PARD3B: variants seen among roughly 807,000 people sequenced by gnomAD.
The protein encoded by PARD3B is par-3 family cell polarity regulator beta.
PARD3B carries 103 observed loss-of-function variants against 130.2 expected under a neutral mutation model. The ratio of observed to expected loss-of-function variants is 0.79; its 90% CI spans 0.67 to 0.93. The LOEUF is 0.93. Ranked by LOEUF, PARD3B falls within the 40% of genes least tolerant of loss-of-function variation. The pLI is 0.00. For missense variants in PARD3B, 1,609 were observed against 1,499.2 expected, an observed-to-expected ratio of 1.07 and a Z score of -1.21; for synonymous variants, 583 against 553.2, an observed-to-expected ratio of 1.05 and a Z score of -0.76.
chr2:205,119,257 C>A (rs2030338731), intron 7 of PARD3B, among the ~76,000 whole-genome samples: 1 of 152,158 alleles, frequency 6.6e-6, no homozygotes, highest in African/African-American at 2.4e-5. Flanking sequence ...TGCTAAACTA[C>A]AGAATATCAC....
chr2:205,001,661 C>T (rs1694839102), intron 3 of PARD3B, among the ~76,000 whole-genome samples: 1 of 152,206 alleles, frequency 6.6e-6, no homozygotes, highest in Non-Finnish European at 1.5e-5. Context: ...TTTTGCTGTT[C>T]ACTCATTGAT....
Position 204,591,540 on chromosome 2 carries a change from G to C in PARD3B, c.120+45421G>C, listed in dbSNP as rs74892506. On this transcript the variant is annotated intron_variant, in intron 1 of 22. Coordinates refer to ENST00000406610, the MANE Select transcript of PARD3B (RefSeq NM_001302769.2). ...ACTGAAATGAAACCTTTTATGCATT[G>C]TGTGTTAAAACAGATTAACTGTTTG... 2.8e-4 allele frequency among the ~76,000 whole-genome samples: 43 copies of C among 152,240 alleles called. 1 individual carries two copies. In the East Asian group the frequency reaches 7.4e-3, roughly 26 times the overall value.
intron 19 of PARD3B, among the ~76,000 whole-genome samples, chr2:205,427,955 T>G (rs962044774): frequency 2.0e-5 from 3 of 152,188 alleles, no homozygotes; most frequent in African/African-American, 7.2e-5. Flanking sequence ...ATCTGAATGT[T>G]TTTTTCGCCA....
At chr2:204,698,353 C>T (rs892566003) in intron 2 of PARD3B, among the ~76,000 whole-genome samples, 2 of 152,020 alleles carry the variant, frequency 1.3e-5, no homozygotes, top group African/African-American at 4.8e-5. Flanking sequence ...TTATTTAGCT[C>T]CTTTCTTTCA....
intron 15 of PARD3B, among the ~76,000 whole-genome samples, chr2:205,213,412 T>A (rs2037748772): frequency 6.6e-6 from 1 of 152,244 alleles, no homozygotes; most frequent in Middle Eastern, 3.4e-3. Flanking sequence ...TGTATACTTC[T>A]TGGGCACCTC....
chr2:205,558,340 C>T lies in PARD3B; in HGVS notation c.3260+4937C>T, dbSNP rs913445058. 1.3e-5 allele frequency among the ~76,000 whole-genome samples: 2 copies of T among 152,078 alleles called. No homozygotes were observed. Among genetic ancestry groups the T allele is most frequent in the Non-Finnish European group, 2.9e-5 (2 of 68,012 alleles). ...CATGGCATGACAGCAGCACCCTATTCGCAGGTGGGAGAGATCCAGAGATAC... is the reference window on the plus strand; with the variant it reads ...CATGGCATGACAGCAGCACCCTATTTGCAGGTGGGAGAGATCCAGAGATAC... On this transcript the variant is annotated intron_variant, in intron 22 of 22. Coordinates refer to ENST00000406610, the MANE Select transcript of PARD3B (RefSeq NM_001302769.2). The surrounding 1 kb of genome is among the most constrained non-coding windows in gnomAD (Gnocchi z 4.8).
chr2:204,880,893 T>C (rs952396831), intron 2 of PARD3B, among the ~76,000 whole-genome samples: 1 of 152,182 alleles, frequency 6.6e-6, no homozygotes, highest in African/African-American at 2.4e-5. Flanking sequence ...CGTGCTACAG[T>C]GTTTCTGTTT....
At chr2:204,699,998 A>G (rs2125274165) in intron 2 of PARD3B, among the ~76,000 whole-genome samples, 1 of 152,274 alleles carries the variant, frequency 6.6e-6, no homozygotes, top group Non-Finnish European at 1.5e-5. Flanking sequence ...GGTCTGTTCC[A>G]AGAAAGTCTA....
chr2:204,934,752 A>G, intron 2 of PARD3B, among the ~76,000 whole-genome samples: 1 of 152,296 alleles, frequency 6.6e-6, no homozygotes, highest in East Asian at 1.9e-4. Flanking sequence ...TTCTGAAAAA[A>G]GGCAGGGTTT....
chr2:205,150,357 C>G (rs1241226871), intron 10 of PARD3B, among the ~76,000 whole-genome samples: 1 of 151,924 alleles, frequency 6.6e-6, no homozygotes, highest in Non-Finnish European at 1.5e-5. Context: ...TTCGTCATAT[C>G]ACTAAGGTCT....
At chr2:205,145,984 G>A (rs2033328289) in intron 10 of PARD3B, among the ~76,000 whole-genome samples, 1 of 152,272 alleles carries the variant, frequency 6.6e-6, no homozygotes, top group South Asian at 2.1e-4. Context: ...TCTGAAGCCA[G>A]CCCTAAATGG....
intron 1 of PARD3B, among the ~76,000 whole-genome samples, chr2:204,565,674 C>G (rs1395515770): frequency 1.3e-5 from 2 of 152,094 alleles, no homozygotes; most frequent in African/African-American, 2.4e-5. Flanking sequence ...ATCTGTTTTC[C>G]TTCAAGTGCC....
intron 4 of PARD3B, among the ~76,000 whole-genome samples, chr2:205,077,594 C>T (rs1350832341): frequency 6.6e-6 from 1 of 152,078 alleles, no homozygotes; most frequent in East Asian, 1.9e-4. Flanking sequence ...AATGCAGAGC[C>T]TTCTGTACCC....
intron 4 of PARD3B, among the ~76,000 whole-genome samples, chr2:205,089,392 A>G (rs1701961524): frequency 6.6e-6 from 1 of 151,476 alleles, no homozygotes; most frequent in Non-Finnish European, 1.5e-5. Flanking sequence ...GCTGGTCTTG[A>G]ACTCCTGACC....
At chr2:204,937,726 T>C (rs16836762) in intron 2 of PARD3B, among the ~76,000 whole-genome samples, 4,733 of 152,306 alleles carry the variant, frequency 0.031, 98 homozygotes, top group African/African-American at 0.054. Flanking sequence ...TCTCTTGATG[T>C]TAGCAGCTGT....
intron 15 of PARD3B, among the ~76,000 whole-genome samples, chr2:205,223,556 G>A (rs1256754229): frequency 6.6e-6 from 1 of 152,096 alleles, no homozygotes; most frequent in Non-Finnish European, 1.5e-5. Context: ...ATAACCCTGA[G>A]CCTAGATATG....
At chr2:205,524,486 C>CACTGGATAAG (rs1310215318) in intron 21 of PARD3B, among the ~76,000 whole-genome samples, 1 of 152,162 alleles carries the variant, frequency 6.6e-6, no homozygotes, top group African/African-American at 2.4e-5. Flanking sequence ...TTGCTGAAAT[C>CACTGGATAAG]ACTGGATAAG....
intron 2 of PARD3B, among the ~76,000 whole-genome samples, chr2:204,929,323 G>C (rs1687856507): frequency 6.6e-6 from 1 of 152,022 alleles, no homozygotes; most frequent in Non-Finnish European, 1.5e-5. Context: ...TGAATGTTAA[G>C]GATTCTCAGT....
intron 2 of PARD3B, among the ~76,000 whole-genome samples, chr2:204,950,291 G>T (rs1208890901): frequency 2.0e-5 from 3 of 152,172 alleles, no homozygotes; most frequent in African/African-American, 7.2e-5. Context: ...TATGTGCTTT[G>T]AATATGGTAA....
Sources: gnomAD v4.1 joint callset for allele counts (sites outside exome capture counted in the v4.1 genomes callset) on GRCh38, gnomAD v4.1.1 for gene constraint, Gnocchi (gnomAD v3.1) non-coding constraint, MANE v1.5 for transcripts, NCBI Gene and HGNC (gene_info 2026-07-23, HGNC 2026-07-21) for gene names.